The following HDAC9 variants were observed in gnomAD, a reference collection of about 807,000 sequenced individuals.
HDAC9 encodes the protein MEF-2 interacting transcription repressor (MITR) protein.
Under a neutral mutation model 139.4 loss-of-function variants are expected in HDAC9, and 41 were observed. The observed-to-expected ratio is 0.29, with a 90% CI of 0.23 to 0.38. HDAC9 has a LOEUF of 0.38. HDAC9 is among the 10% of genes least tolerant of loss of function. HDAC9 has a pLI of 1.00. For missense variants in HDAC9, 1,147 were observed against 1,297.0 expected (o/e 0.88, Z 1.78); for synonymous variants, 517 against 476.2 (o/e 1.09, Z -1.12).
At chr7:18,485,520 G>A (rs113962139) in intron 1 of HDAC9, among the ~76,000 whole-genome samples, 2,018 of 150,694 alleles carry the variant, frequency 0.013, 44 homozygotes, top group African/African-American at 0.045. Context: ...TCTGTTTTAT[G>A]ATGTTTATAG....
intron 23 of HDAC9, chr7:18,948,832 G>A (rs1782586389): frequency 5.6e-6 from 1 of 179,576 alleles, no homozygotes; most frequent in Non-Finnish European, 1.2e-5. Context: ...AAAAAGACAG[G>A]TGGATATCAA....
chr7:18,557,686 T>C (rs1819281498), intron 2 of HDAC9, among the ~76,000 whole-genome samples: 1 of 148,600 alleles, frequency 6.7e-6, no homozygotes, highest in African/African-American at 2.4e-5. Flanking sequence ...ACTTTTATAA[T>C]TTAAAAATAT....
intron 2 of HDAC9, among the ~76,000 whole-genome samples, chr7:18,229,660 T>C (rs1793318030): frequency 6.6e-6 from 1 of 151,950 alleles, no homozygotes; most frequent in African/African-American, 2.4e-5. Context: ...TAGGAAGGAG[T>C]GATTATAACT....
intron 6 of HDAC9, among the ~76,000 whole-genome samples, chr7:18,624,621 G>T (rs1841137962): frequency 1.3e-5 from 2 of 151,952 alleles, no homozygotes; most frequent in African/African-American, 4.8e-5. Flanking sequence ...TGGGCTCTGA[G>T]GATTTGCATC....
chr7:18,444,682 G>A (rs762169599), intron 1 of HDAC9, among the ~76,000 whole-genome samples: 1 of 151,858 alleles, frequency 6.6e-6, no homozygotes, highest in African/African-American at 2.4e-5. Flanking sequence ...AGTATGCTAC[G>A]CCCAAAGGAG....
intron 6 of HDAC9, among the ~76,000 whole-genome samples, chr7:18,594,950 A>G (rs1264907801): frequency 6.6e-6 from 1 of 152,092 alleles, no homozygotes; most frequent in Non-Finnish European, 1.5e-5. Flanking sequence ...TTTGTTTTAT[A>G]TATGAAATCT....
chr7:18,638,272 A>G (rs1028945603), intron 8 of HDAC9, among the ~76,000 whole-genome samples: 2 of 152,086 alleles, frequency 1.3e-5, no homozygotes, highest in Non-Finnish European at 2.9e-5. Context: ...GTGCTGCTTC[A>G]GAAGTAGGAA....
intron 1 of HDAC9, among the ~76,000 whole-genome samples, chr7:18,301,696 A>T (rs1798550538): frequency 6.6e-6 from 1 of 152,200 alleles, no homozygotes; most frequent in African/African-American, 2.4e-5. Context: ...TGCTACAGAG[A>T]CCAAGAGATC....
At chr7:18,567,809 G>A (rs917367196) in intron 2 of HDAC9, among the ~76,000 whole-genome samples, 2 of 151,826 alleles carry the variant, frequency 1.3e-5, no homozygotes. Context: ...TATTATTATT[G>A]CAGCTTTGAG....
intron 1 of HDAC9, among the ~76,000 whole-genome samples, chr7:18,150,290 A>G (rs2128118712): frequency 6.6e-6 from 1 of 152,088 alleles, no homozygotes; most frequent in Non-Finnish European, 1.5e-5. Context: ...GTCCAGTTTT[A>G]TATAGGCCGC....
chr7:18,242,860 T>C (rs997424101), intron 2 of HDAC9, among the ~76,000 whole-genome samples: 5 of 152,170 alleles, frequency 3.3e-5, no homozygotes, highest in African/African-American at 1.2e-4. Context: ...AGGGTCTTAC[T>C]AGAAAAAAAA....
chr7:18,829,474 T>G lies in HDAC9; in HGVS notation c.2392T>G (p.Phe798Val). The G allele has an allele frequency of 6.2e-7, 1 of 1,611,038 alleles. No individual in the cohort carries two copies. Among genetic ancestry groups the G allele is most frequent in the Non-Finnish European group, 8.5e-7 (1 of 1,177,374 alleles). Residue 798 changes from phenylalanine to valine, a missense_variant, in exon 19 of 26, where the codon TTT (phenylalanine) becomes GTT (valine). Physicochemically the swap from Phe to Val is conservative, Grantham distance 50 (BLOSUM62 -1). Coordinates refer to ENST00000686413, the MANE Select transcript of HDAC9 (RefSeq NM_178425.4). ...TCTATTCCGCAGGGGGTTCTGCTTT[T>G]TTAATTCAGTTGCAATTACCGCCAA... ...EESTAMGFCFFNSVAITAKYL... is the reference protein window; with the variant it reads ...EESTAMGFCFVNSVAITAKYL...
At chr7:18,803,236 A>G (rs565593966) in intron 17 of HDAC9, among the ~76,000 whole-genome samples, 6 of 152,210 alleles carry the variant, frequency 3.9e-5, no homozygotes, top group Non-Finnish European at 5.9e-5. Flanking sequence ...CAACAATACA[A>G]GAACTTTATG....
chr7:18,403,279 A>G (rs934611168), intron 1 of HDAC9, among the ~76,000 whole-genome samples: 1 of 152,180 alleles, frequency 6.6e-6, no homozygotes, highest in African/African-American at 2.4e-5. Context: ...TAATAATGGA[A>G]TTCAGTGACT....
chr7:18,704,828 A>G lies in HDAC9; in HGVS notation c.1732-22752A>G, dbSNP rs144568048. The stretch of plus-strand genomic sequence containing the variant: ...CAGTTAAATACTAAATTATACTTTA[A>G]TAAACTAAAAAAGAAGAGGAAATTG... On this transcript the variant is annotated intron_variant, in intron 12 of 25. Coordinates refer to ENST00000686413, the MANE Select transcript of HDAC9 (RefSeq NM_178425.4). Among the ~76,000 whole-genome samples the G allele has an allele frequency of 3.7e-3, 571 of 152,338 alleles. 5 individuals are homozygous for G. Among genetic ancestry groups the G allele is most frequent in the African/African-American group, 0.013 (547 of 41,580 alleles).
chr7:18,469,361 C>T (rs889877397), intron 1 of HDAC9, among the ~76,000 whole-genome samples: 2 of 151,972 alleles, frequency 1.3e-5, no homozygotes, highest in African/African-American at 4.8e-5. Context: ...TTATAGATCT[C>T]ATAAATCAAA....
chr7:18,376,328 T>C (rs1784992800), intron 1 of HDAC9, among the ~76,000 whole-genome samples: 2 of 152,216 alleles, frequency 1.3e-5, no homozygotes, highest in South Asian at 4.1e-4. Flanking sequence ...ACATTTGTAA[T>C]AGTTCTATTT....
At chr7:18,709,071 T>C (rs1384095046) in intron 12 of HDAC9, among the ~76,000 whole-genome samples, 1 of 118,522 alleles carries the variant, frequency 8.4e-6, no homozygotes, top group East Asian at 2.7e-4. Context: ...GGACTTTGTT[T>C]CTTTTTTTTT....
At chr7:18,633,002 G>A (rs756147190) in intron 7 of HDAC9, among the ~76,000 whole-genome samples, 2 of 151,990 alleles carry the variant, frequency 1.3e-5, no homozygotes, top group South Asian at 4.1e-4. Flanking sequence ...GAGCTTGGAA[G>A]GTCCAGCTTT....
Sources: gnomAD v4.1 joint callset for allele counts (sites outside exome capture counted in the v4.1 genomes callset) on GRCh38, gnomAD v4.1.1 for gene constraint, MANE v1.5 for transcripts, NCBI Gene and HGNC (gene_info 2026-07-23, HGNC 2026-07-21) for gene names.